GABRB3: variants seen among roughly 807,000 people sequenced by gnomAD.
GABRB3 encodes gamma-aminobutyric acid type A receptor subunit beta3.
In GABRB3, 14 loss-of-function variants were observed where a neutral mutation model predicts 52.1. That is an observed-to-expected ratio of 0.27 (90% CI 0.18 to 0.42). The LOEUF (loss-of-function observed/expected upper bound fraction) is 0.42. Among genes scored for constraint, GABRB3 ranks in the 10% least tolerant of loss-of-function variants. The pLI, the probability that GABRB3 is intolerant of heterozygous loss-of-function variation, is 1.00. For synonymous variants in GABRB3, 260 were observed against 232.3 expected (o/e 1.12, Z -1.08); for missense variants, 307 against 609.1 (o/e 0.50, Z 5.22).
chr15:26,659,215 C>A (rs922260238), intron 3 of GABRB3, among the ~76,000 whole-genome samples: 1 of 152,148 alleles, frequency 6.6e-6, no homozygotes, highest in African/African-American at 2.4e-5. Context: ...AAAAATGAAA[C>A]CAATAATTTA....
intron 3 of GABRB3, among the ~76,000 whole-genome samples, chr15:26,678,964 T>C (rs957315952): frequency 2.6e-5 from 4 of 152,170 alleles, no homozygotes; most frequent in Non-Finnish European, 2.9e-5. Flanking sequence ...CAGAGTGGGA[T>C]AGCTCAAGGG....
intron 3 of GABRB3, chr15:26,658,599 C>G (rs1408479178): frequency 6.6e-6 from 1 of 152,188 alleles, no homozygotes; most frequent in Non-Finnish European, 1.5e-5. Flanking sequence ...TGTGCATTTT[C>G]CCTTCTGATG....
At chr15:26,773,386 G>T (rs530313711), upstream of GABRB3, among the ~76,000 whole-genome samples, 1 of 151,114 alleles carries the variant, frequency 6.6e-6, no homozygotes, top group African/African-American at 2.4e-5. Flanking sequence ...GGGAGGGGCG[G>T]GGGGTCGTCC....
At chr15:26,696,903 T>C (rs1237546051) in intron 3 of GABRB3, among the ~76,000 whole-genome samples, 1 of 152,198 alleles carries the variant, frequency 6.6e-6, no homozygotes, top group Non-Finnish European at 1.5e-5. Context: ...ACTTCTGACA[T>C]TGCAATATTG....
chr15:26,605,534 G>C (rs1891756572), intron 4 of GABRB3, among the ~76,000 whole-genome samples: 1 of 152,180 alleles, frequency 6.6e-6, no homozygotes, highest in African/African-American at 2.4e-5. Context: ...ACAGATGAAT[G>C]GATAAAGAAA....
At chr15:26,676,025 T>C (rs925379960) in intron 3 of GABRB3, among the ~76,000 whole-genome samples, 5 of 152,168 alleles carry the variant, frequency 3.3e-5, no homozygotes, top group African/African-American at 4.8e-5. Flanking sequence ...AGACTCTTTG[T>C]CATCAGAACT....
At chr15:26,622,203 G>A (rs561753312) in intron 3 of GABRB3, among the ~76,000 whole-genome samples, 2 of 152,216 alleles carry the variant, frequency 1.3e-5, no homozygotes, top group East Asian at 3.9e-4. Flanking sequence ...TATGGGAGGT[G>A]GGAGACAGAC....
chr15:26,635,010 A>ATAT (rs10676156), intron 3 of GABRB3, among the ~76,000 whole-genome samples: 10,814 of 74,642 alleles, frequency 0.14, 2,345 homozygotes, highest in East Asian at 0.41. Flanking sequence ...ATATATATAT[A>ATAT]ATATATATAT....
Position 26,745,293 on chromosome 15 carries a change from C to A in GABRB3, c.240+27109G>T, listed in dbSNP as rs563459890. 7.4e-4 allele frequency among the ~76,000 whole-genome samples: 113 copies of A among 152,210 alleles called. 2 individuals are homozygous for A. The South Asian group carries it at 0.012, about 16-fold the overall frequency. On this transcript the variant is annotated intron_variant, in intron 3 of 8. Coordinates refer to ENST00000311550, the MANE Select transcript of GABRB3 (RefSeq NM_000814.6). Reference sequence around the variant, plus strand: ...TTCAATAGGTTTTCAGAAAGTTTAACATTTTTTTAATTTTGAAAGAAAAAT... The same window carrying A: ...TTCAATAGGTTTTCAGAAAGTTTAAAATTTTTTTAATTTTGAAAGAAAAAT...
At chr15:26,577,756 C>G (rs767696644) in intron 6 of GABRB3, among the ~76,000 whole-genome samples, 10 of 152,112 alleles carry the variant, frequency 6.6e-5, no homozygotes, top group Non-Finnish European at 1.2e-4. Context: ...TAGTCTGGTC[C>G]TAATAAACTT....
At chr15:26,683,685 C>T (rs551570774) in intron 3 of GABRB3, among the ~76,000 whole-genome samples, 8 of 152,124 alleles carry the variant, frequency 5.3e-5, no homozygotes, top group Non-Finnish European at 7.3e-5. Context: ...CTGAAAAACG[C>T]TTTCATGGCT....
rs1403605494 is a variant in GABRB3 at position 26,547,274 on chromosome 15, G to A, written c.*519C>T. The A allele has an allele frequency of 2.7e-6, 1 of 366,286 alleles. No individual in the cohort carries two copies. Among genetic ancestry groups the A allele is most frequent in the Non-Finnish European group, 4.9e-6 (1 of 206,044 alleles). 22.7% of individuals were successfully genotyped at this position (366,286 alleles called of 1,614,324 possible). ...CTTTGCTTACTAAACTGAACGAGAG[G>A]ATATGAAGTAAGTGACTCATTTTAA... is the stretch of plus-strand genomic sequence containing the variant. On this transcript the variant is annotated 3_prime_UTR_variant, in exon 9 of 9. Coordinates refer to ENST00000311550, the MANE Select transcript of GABRB3 (RefSeq NM_000814.6).
chr15:26,709,382 C>T (rs905505726), intron 3 of GABRB3, among the ~76,000 whole-genome samples: 1 of 152,256 alleles, frequency 6.6e-6, no homozygotes, highest in South Asian at 2.1e-4. Context: ...CTCCATAGGA[C>T]ATGCTGACCC....
At chr15:26,637,328 G>A (rs960948717) in intron 3 of GABRB3, among the ~76,000 whole-genome samples, 12 of 151,548 alleles carry the variant, frequency 7.9e-5, no homozygotes, top group South Asian at 4.2e-4. Flanking sequence ...GTGGCAACCC[G>A]CACCCTCTAC....
intron 3 of GABRB3, among the ~76,000 whole-genome samples, chr15:26,713,631 T>C (rs1457195372): frequency 6.6e-6 from 1 of 152,152 alleles, no homozygotes; most frequent in East Asian, 1.9e-4. Flanking sequence ...ATGAATGCCA[T>C]GGACAGGCAA....
At chr15:26,606,902 C>T (rs376075554) in intron 4 of GABRB3, among the ~76,000 whole-genome samples, 55 of 149,768 alleles carry the variant, frequency 3.7e-4, no homozygotes, top group African/African-American at 1.3e-3. Flanking sequence ...TATTTGAGTC[C>T]TTCTGGATGA....
intron 3 of GABRB3, among the ~76,000 whole-genome samples, chr15:26,657,894 C>T (rs1167052414): frequency 6.6e-6 from 1 of 152,076 alleles, no homozygotes; most frequent in Non-Finnish European, 1.5e-5. Flanking sequence ...AGATAACAGC[C>T]CCTCCCCAAA....
intron 3 of GABRB3, among the ~76,000 whole-genome samples, chr15:26,703,544 A>G (rs1166408464): frequency 6.6e-6 from 1 of 152,208 alleles, no homozygotes; most frequent in Non-Finnish European, 1.5e-5. Flanking sequence ...AACTCATCTC[A>G]GCATCAACTT....
chr15:26,596,106 A>G (rs532012476), intron 4 of GABRB3, among the ~76,000 whole-genome samples: 1 of 152,230 alleles, frequency 6.6e-6, no homozygotes, highest in Non-Finnish European at 1.5e-5. Context: ...AGGGTTGATC[A>G]CGGCAGGAGA....
Sources: gnomAD v4.1 joint callset for allele counts (sites outside exome capture counted in the v4.1 genomes callset) on GRCh38, gnomAD v4.1.1 for gene constraint, MANE v1.5 for transcripts, NCBI Gene and HGNC (gene_info 2026-07-23, HGNC 2026-07-21) for gene names.